Variants in TTC39C observed in about 807,000 individuals in gnomAD.
The protein encoded by TTC39C is tetratricopeptide repeat protein 39C.
A neutral mutation model predicts 76.3 loss-of-function variants in TTC39C; 33 were observed. The observed-to-expected ratio is 0.43, with a 90% CI of 0.33 to 0.58. The LOEUF is 0.58. Ranked by LOEUF, TTC39C falls within the 20% of genes least tolerant of loss-of-function variation. TTC39C has a pLI of 0.04. For synonymous variants in TTC39C, 254 were observed against 260.6 expected, an observed-to-expected ratio of 0.97 and a Z score of 0.24; for missense variants, 595 against 701.4, an observed-to-expected ratio of 0.85 and a Z score of 1.71.
intron 1 of TTC39C, among the ~76,000 whole-genome samples, chr18:24,024,205 G>T (rs1319113378): frequency 6.7e-6 from 1 of 148,846 alleles, no homozygotes; most frequent in Non-Finnish European, 1.5e-5. Flanking sequence ...TAGAGACCGG[G>T]TTTCGCTATA....
chr18:24,110,994 CT>C (rs146269943), intron 6 of TTC39C, among the ~76,000 whole-genome samples: 202 of 143,896 alleles, frequency 1.4e-3, no homozygotes, highest in Non-Finnish European at 1.4e-3. Flanking sequence ...CAGAGAAAGA[CT>C]TTTTTTTTTT....
chr18:24,113,860 C>T (rs1420471075), intron 6 of TTC39C: 1 of 598,714 alleles, frequency 1.7e-6, no homozygotes. Context: ...TTGCTGGGTC[C>T]CAGACAGTGT....
intron 2 of TTC39C, 91 bp downstream of exon 2, chr18:24,064,279 T>C (rs2084138727): frequency 1.4e-6 from 2 of 1,430,450 alleles, no homozygotes; most frequent in African/African-American, 2.9e-5. Flanking sequence ...AGATACACTA[T>C]TGTAGAAAGT....
intron 12 of TTC39C, among the ~76,000 whole-genome samples, chr18:24,131,441 A>ATC (rs1210812929): frequency 6.6e-6 from 1 of 152,106 alleles, no homozygotes; most frequent in Non-Finnish European, 1.5e-5. Context: ...GGCTGGGCGC[A>ATC]GTGGCTCATA....
intron 3 of TTC39C, 78 bp from the exon 4 acceptor site, chr18:24,069,079 C>T: frequency 8.3e-7 from 1 of 1,205,294 alleles, no homozygotes; most frequent in Non-Finnish European, 1.2e-6. Flanking sequence ...TTATCTTGTA[C>T]AATAACCTGA....
At chr18:24,026,145 G>A (rs57015979) in intron 1 of TTC39C, among the ~76,000 whole-genome samples, 8,199 of 152,194 alleles carry the variant, frequency 0.054, 588 homozygotes, top group African/African-American at 0.17. Flanking sequence ...CATACTCCAC[G>A]TGGATCTAGC....
intron 5 of TTC39C, among the ~76,000 whole-genome samples, chr18:24,081,790 TAC>T (rs1299314366): frequency 5.3e-5 from 8 of 152,340 alleles, no homozygotes; most frequent in Non-Finnish European, 8.8e-5. Flanking sequence ...CTCATTGAAG[TAC>T]ACAGTTGTCC....
intron 1 of TTC39C, among the ~76,000 whole-genome samples, chr18:24,056,561 C>CAAATAT (rs2084018996): frequency 2.3e-5 from 2 of 87,314 alleles, no homozygotes; most frequent in Admixed American, 1.5e-4. Flanking sequence ...TATACATTCT[C>CAAATAT]TTCCACTGTG....
intron 12 of TTC39C, among the ~76,000 whole-genome samples, chr18:24,131,460 C>T (rs2085128102): frequency 6.6e-6 from 1 of 151,982 alleles, no homozygotes. Context: ...TACCTGTAAT[C>T]CCAGCACTTT....
At chr18:24,130,786 T>C (rs1006283072) in intron 12 of TTC39C, among the ~76,000 whole-genome samples, 4 of 152,008 alleles carry the variant, frequency 2.6e-5, no homozygotes, top group Non-Finnish European at 5.9e-5. Flanking sequence ...GCTATAATTG[T>C]GTACAGCATG....
At chr18:24,105,296 C>G (rs1349271927) in intron 6 of TTC39C, among the ~76,000 whole-genome samples, 1 of 152,080 alleles carries the variant, frequency 6.6e-6, no homozygotes, top group Non-Finnish European at 1.5e-5. Flanking sequence ...GAATGATTGG[C>G]TAATACTGAA....
At position 24,080,929 on chromosome 18, in the gene TTC39C, C is replaced by T. The variant is rs1289577881; in HGVS notation, c.805C>T (p.Pro269Ser). 1.2e-6 allele frequency: 2 copies of T among 1,611,344 alleles called. No homozygotes were observed. ...AAGCGAAAGTAAGGACATGAAGGCCCCTTTAGCTACGTGAGTAGCTGTATT... is the reference window on the plus strand; with the variant it reads ...AAGCGAAAGTAAGGACATGAAGGCCTCTTTAGCTACGTGAGTAGCTGTATT... ...YASESKDMKA[P>S]LATLALLWYH... The change falls in exon 5 of 14, where the codon CCT becomes TCT. Residue 269 changes from proline to serine, a missense_variant. By Grantham distance (74) the Pro-to-Ser change is moderately conservative. Transcript: ENST00000317571.
chr18:24,060,821 A>C (rs1325630254), intron 1 of TTC39C, among the ~76,000 whole-genome samples: 2 of 152,182 alleles, frequency 1.3e-5, no homozygotes, highest in African/African-American at 4.8e-5. Context: ...TAAGAATATG[A>C]TTACGAAAAT....
intron 1 of TTC39C, among the ~76,000 whole-genome samples, chr18:24,053,270 C>T (rs7238344): frequency 1 from 151,939 of 152,358 alleles, 75,761 homozygotes; most frequent in East Asian, 1. Context: ...TGTAGAGTTT[C>T]CCATTTATCA....
At chr18:24,120,888 G>A (rs571671444) in intron 8 of TTC39C, 1 of 152,314 alleles carries the variant, frequency 6.6e-6, no homozygotes, top group African/African-American at 2.4e-5. Flanking sequence ...TTTTCAGGCT[G>A]AATAATATTC....
chr18:24,080,483 A>AT, intron 4 of TTC39C, 102 bp from the exon 5 acceptor site: 1 of 847,526 alleles, frequency 1.2e-6, no homozygotes, highest in Non-Finnish European at 1.8e-6. Context: ...TGTTTTTTAC[A>AT]TTTTTGGCTT....
chr18:24,009,853 G>A (rs757192143), upstream of TTC39C, among the ~76,000 whole-genome samples: 4 of 152,236 alleles, frequency 2.6e-5, no homozygotes, highest in Non-Finnish European at 5.9e-5. Context: ...GTGAGGAGGC[G>A]TCCAACCCAA....
At chr18:24,107,894 G>GC (rs1555776854) in intron 6 of TTC39C, among the ~76,000 whole-genome samples, 3 of 145,380 alleles carry the variant, frequency 2.1e-5, no homozygotes, top group Non-Finnish European at 3.0e-5. Flanking sequence ...AAGTAGGGGG[G>GC]GGGGTACAGG....
intron 6 of TTC39C, among the ~76,000 whole-genome samples, chr18:24,091,679 A>C (rs976240767): frequency 4.6e-5 from 7 of 152,238 alleles, no homozygotes; most frequent in African/African-American, 1.7e-4. Context: ...GAAAGTGAAA[A>C]GACAACCCAT....
Sources: gnomAD v4.1 joint callset for allele counts (sites outside exome capture counted in the v4.1 genomes callset) on GRCh38, gnomAD v4.1.1 for gene constraint, MANE v1.5 for transcripts, NCBI Gene and HGNC (gene_info 2026-07-23, HGNC 2026-07-21) for gene names.